GOLM2: variants seen among roughly 807,000 people sequenced by gnomAD.
GOLM2 encodes golgi membrane protein 2, also known as protein GOLM2.
In GOLM2, 26 loss-of-function variants were observed where a neutral mutation model predicts 55.9. The observed-to-expected ratio is 0.47, with a 90% CI of 0.34 to 0.65. GOLM2 has a LOEUF of 0.65. Among genes scored for constraint, GOLM2 ranks in the 30% least tolerant of loss-of-function variants. GOLM2 has a pLI of 0.01. For synonymous variants in GOLM2, 165 were observed against 194.6 expected, an observed-to-expected ratio of 0.85 and a Z score of 1.27; for missense variants, 486 against 531.8, an observed-to-expected ratio of 0.91 and a Z score of 0.85.
chr15:44,329,899 C>CTTT (rs777520089), intron 3 of GOLM2, among the ~76,000 whole-genome samples: 2 of 126,942 alleles, frequency 1.6e-5, no homozygotes, highest in Non-Finnish European at 3.4e-5. Context: ...GAGAACTTGT[C>CTTT]TTTTTTTTTT....
intron 6 of GOLM2, among the ~76,000 whole-genome samples, chr15:44,340,551 C>T (rs2079084642): frequency 6.6e-6 from 1 of 152,186 alleles, no homozygotes; most frequent in Non-Finnish European, 1.5e-5. Flanking sequence ...AGCTGTGGTG[C>T]CTAGCTGTAA....
chr15:44,387,736 G>A (rs1458490583), intron 8 of GOLM2, among the ~76,000 whole-genome samples: 1 of 151,608 alleles, frequency 6.6e-6, no homozygotes, highest in East Asian at 1.9e-4. Context: ...ACTCCAGCCT[G>A]GGTGACAGAA....
At chr15:44,369,067 T>TATATATATA (rs1555424961) in intron 6 of GOLM2, among the ~76,000 whole-genome samples, 4 of 22,978 alleles carry the variant, frequency 1.7e-4, no homozygotes, top group African/African-American at 6.1e-4. Context: ...ATAGGATATA[T>TATATATATA]TATATATATA....
intron 6 of GOLM2, among the ~76,000 whole-genome samples, chr15:44,344,325 CAA>C (rs1330469058): frequency 6.8e-6 from 1 of 147,120 alleles, no homozygotes; most frequent in Non-Finnish European, 1.5e-5. Context: ...CTGAAATAGT[CAA>C]GGGTTATAGA....
intron 6 of GOLM2, among the ~76,000 whole-genome samples, chr15:44,339,323 G>C (rs1313227203): frequency 6.6e-6 from 1 of 152,042 alleles, no homozygotes; most frequent in African/African-American, 2.4e-5. Flanking sequence ...AAGTAATCCA[G>C]TGATTTTTTA....
At position 44,338,329 on chromosome 15, in the gene GOLM2, T is replaced by C. The variant is rs1426520109; in HGVS notation, c.802+12T>C. On this transcript the variant is annotated intron_variant, in intron 6 of 9. Coordinates refer to ENST00000299957, the MANE Select transcript of GOLM2 (RefSeq NM_138423.4). ...TGATCTTCCCCCTGGTAAGTAAAAA[T>C]TGTTAGAGAATTCGACTAAAGTGAT... 4 of 1,600,162 alleles carry C rather than the reference T, an allele frequency of 2.5e-6. No individual in the cohort carries two copies. The African/African-American group carries it at 4.0e-5, about 16-fold the overall frequency.
chr15:44,328,172 A>C (rs1941143243), intron 2 of GOLM2, among the ~76,000 whole-genome samples: 1 of 152,196 alleles, frequency 6.6e-6, no homozygotes, highest in Non-Finnish European at 1.5e-5. Context: ...CACTGAAGCT[A>C]TATTTTTTAA....
chr15:44,361,837 T>A (rs1374102399), intron 6 of GOLM2, among the ~76,000 whole-genome samples: 2 of 152,150 alleles, frequency 1.3e-5, no homozygotes, highest in Admixed American at 1.3e-4. Flanking sequence ...TCAAAAAGCT[T>A]ATCCGCCATG....
At chr15:44,385,980 C>T (rs2079441338) in intron 8 of GOLM2, among the ~76,000 whole-genome samples, 1 of 152,180 alleles carries the variant, frequency 6.6e-6, no homozygotes, top group African/African-American at 2.4e-5. Flanking sequence ...TTTGCACAGT[C>T]TATGGGTTGT....
intron 6 of GOLM2, among the ~76,000 whole-genome samples, chr15:44,369,812 A>C (rs1406696068): frequency 6.6e-6 from 1 of 152,104 alleles, no homozygotes; most frequent in East Asian, 1.9e-4. Flanking sequence ...TAAAATTTAA[A>C]ATGTGTGTAA....
intron 8 of GOLM2, among the ~76,000 whole-genome samples, chr15:44,402,324 G>C (rs2079570895): frequency 6.6e-6 from 1 of 150,560 alleles, no homozygotes; most frequent in Non-Finnish European, 1.5e-5. Context: ...ATCCCTTTTT[G>C]GAAATCCAAA....
At chr15:44,380,263 A>T (rs2141193627) in intron 7 of GOLM2, among the ~76,000 whole-genome samples, 1 of 152,190 alleles carries the variant, frequency 6.6e-6, no homozygotes, top group African/African-American at 2.4e-5. Flanking sequence ...TGGAAAGGAA[A>T]AAGGTCAGAG....
At chr15:44,332,137 G>C (rs1422761142) in intron 4 of GOLM2, 59 bp downstream of exon 4, 2 of 898,688 alleles carry the variant, frequency 2.2e-6, no homozygotes, top group African/African-American at 1.7e-5. Context: ...TGGTAATTTA[G>C]AAATTAAAAT....
At chr15:44,399,192 T>A (rs1218867955) in intron 8 of GOLM2, among the ~76,000 whole-genome samples, 2 of 152,204 alleles carry the variant, frequency 1.3e-5, no homozygotes, top group Non-Finnish European at 1.5e-5. Context: ...AATTTAGCAG[T>A]CCCTTATATT....
At chr15:44,396,369 T>G (rs1364827968) in intron 8 of GOLM2, among the ~76,000 whole-genome samples, 1 of 152,112 alleles carries the variant, frequency 6.6e-6, no homozygotes, top group Non-Finnish European at 1.5e-5. Flanking sequence ...AAAAAAAATT[T>G]TTTTTTAATA....
intron 1 of GOLM2, among the ~76,000 whole-genome samples, chr15:44,305,126 G>A (rs554736650): frequency 4.6e-5 from 7 of 151,964 alleles, no homozygotes; most frequent in Non-Finnish European, 7.4e-5. Flanking sequence ...TCAGCCTTCC[G>A]AGTAGCTGGG....
chr15:44,392,792 C>T (rs904260148), intron 8 of GOLM2, among the ~76,000 whole-genome samples: 2 of 152,078 alleles, frequency 1.3e-5, no homozygotes, highest in East Asian at 3.8e-4. Flanking sequence ...TGAGGAAAAT[C>T]ATCTCAAAAG....
At chr15:44,294,037 T>G (rs2078739071) in intron 1 of GOLM2, among the ~76,000 whole-genome samples, 1 of 152,220 alleles carries the variant, frequency 6.6e-6, no homozygotes. Flanking sequence ...GTTGCTCAAA[T>G]TGTTCTGGCT....
intron 2 of GOLM2, among the ~76,000 whole-genome samples, chr15:44,324,267 A>G (rs2078968314): frequency 6.6e-6 from 1 of 152,210 alleles, no homozygotes; most frequent in Non-Finnish European, 1.5e-5. Context: ...ATGTGTCAAC[A>G]AAAATGACAA....
Sources: gnomAD v4.1 joint callset for allele counts (sites outside exome capture counted in the v4.1 genomes callset) on GRCh38, gnomAD v4.1.1 for gene constraint, MANE v1.5 for transcripts, NCBI Gene and HGNC (gene_info 2026-07-23, HGNC 2026-07-21) for gene names.